The following PLOD2 variants were observed in gnomAD, a reference collection of about 807,000 sequenced individuals.
PLOD2 encodes lysine hydroxylase 2.
Under a neutral mutation model 101.0 loss-of-function variants are expected in PLOD2, and 65 were observed. That is an observed-to-expected ratio of 0.64 (90% CI 0.53 to 0.79). The LOEUF (loss-of-function observed/expected upper bound fraction) is 0.79, where lower values mean the gene tolerates loss of function less well. Ranked by LOEUF, PLOD2 falls within the 30% of genes least tolerant of loss-of-function variation. PLOD2 has a pLI of 0.00. For synonymous variants in PLOD2, 314 were observed against 302.9 expected, an observed-to-expected ratio of 1.04 and a Z score of -0.38; for missense variants, 909 against 914.6, an observed-to-expected ratio of 0.99 and a Z score of 0.08.
At chr3:146,149,493 C>T (rs1158212887) in intron 1 of PLOD2, among the ~76,000 whole-genome samples, 1 of 152,110 alleles carries the variant, frequency 6.6e-6, no homozygotes, top group East Asian at 1.9e-4. Flanking sequence ...ATGGAGCTGA[C>T]AGTACTGGTG....
chr3:146,109,700 A>G (rs1937594486), intron 4 of PLOD2, among the ~76,000 whole-genome samples: 1 of 152,180 alleles, frequency 6.6e-6, no homozygotes, highest in Non-Finnish European at 1.5e-5. Context: ...ATTTTATTTA[A>G]TTTTCTAAAG....
At position 146,076,838 on chromosome 3, in the gene PLOD2, T is replaced by C; in HGVS notation, c.1621A>G (p.Asn541Asp). The change falls in exon 15 of 20, where the codon AAT becomes GAT. Residue 541 changes from asparagine (N) to aspartate (D), a missense_variant. Coordinates refer to ENST00000282903, the MANE Select transcript of PLOD2 (RefSeq NM_182943.3). ...HEFGRLLSTA[N>D]YNTSHYNNDL... ...TTGTTATAATGGGAAGTATTGTAAT[T>C]AGCAGTGGATAATAGCCTTCCAAAT... 6.3e-7 allele frequency: 1 copy of C among 1,592,660 alleles called. No homozygotes were observed. Among genetic ancestry groups the C allele is most frequent in the Non-Finnish European group, 8.6e-7 (1 of 1,161,832 alleles).
intron 8 of PLOD2, 109 bp downstream of exon 8, chr3:146,091,691 T>C (rs1936973324): frequency 1.4e-6 from 1 of 696,900 alleles, no homozygotes; most frequent in East Asian, 2.8e-5. Flanking sequence ...CCATTATCTA[T>C]CATAAAATCA....
At chr3:146,123,181 C>G (rs3804659) in intron 2 of PLOD2, 71,150 of 281,340 alleles carry the variant, frequency 0.25, 9,415 homozygotes, top group Non-Finnish European at 0.27. Context: ...TAATATACTA[C>G]ATACTCAAAT....
Position 146,161,083 on chromosome 3 carries a change from CCG to C in PLOD2, c.-96_-95del. 3.9e-6 allele frequency: 3 copies of C among 767,922 alleles called. No homozygotes were observed. Among genetic ancestry groups the C allele is most frequent in the Non-Finnish European group, 5.7e-6 (3 of 525,282 alleles). The allele number at this position is 767,922 out of a possible 1,614,324, so 47.6% of individuals were successfully genotyped here. ...CGCAGAGACCCGGGTCCGCCCTGAGCCGCCGATTGCGGGCGGGAGCCGGCGGG... is the reference window on the plus strand; with the variant it reads ...CGCAGAGACCCGGGTCCGCCCTGAGCCCGATTGCGGGCGGGAGCCGGCGGG... On this transcript the variant is annotated 5_prime_UTR_variant, in exon 1 of 20. Transcript: ENST00000282903.
chr3:146,096,873 A>ACGGAGGCGGGG (rs1234344071), intron 7 of PLOD2, among the ~76,000 whole-genome samples: 10 of 22,994 alleles, frequency 4.3e-4, no homozygotes, highest in South Asian at 1.7e-3. Context: ...CCCGTCCGGG[A>ACGGAGGCGGGG]GGGAGGTGGG....
intron 3 of PLOD2, among the ~76,000 whole-genome samples, chr3:146,117,497 TA>T (rs1172852130): frequency 3.9e-5 from 6 of 151,976 alleles, no homozygotes; most frequent in African/African-American, 1.5e-4. Flanking sequence ...ATAAGAAGGG[TA>T]AAAAAAATTT....
At chr3:146,107,742 G>A (rs921057615) in intron 4 of PLOD2, among the ~76,000 whole-genome samples, 2 of 138,544 alleles carry the variant, frequency 1.4e-5, no homozygotes, top group Admixed American at 8.2e-5. Context: ...GTTCCCCTCC[G>A]CCTTCCACCT....
At position 146,076,808 on chromosome 3, in the gene PLOD2, G is replaced by A. The variant is rs1007498499; in HGVS notation, c.1651C>T (p.Leu551Phe). Residue 551 changes from leucine to phenylalanine, a missense_variant, in exon 15 of 20, where the codon CTC becomes TTC. Leu to Phe is a conservative substitution (Grantham distance 22, BLOSUM62 0). Coordinates refer to ENST00000282903, the MANE Select transcript of PLOD2 (RefSeq NM_182943.3). ...ACAGGATTTTCAAAAATCTGCCAGA[G>A]GTCATTGTTATAATGGGAAGTATTG... Reference protein sequence around the residue: ...NYNTSHYNNDLWQIFENPVDW... With the variant: ...NYNTSHYNNDFWQIFENPVDW... 6 of 1,565,844 alleles carry A rather than the reference G, an allele frequency of 3.8e-6. No homozygotes were observed. Among genetic ancestry groups the A allele is most frequent in the South Asian group, 1.1e-5 (1 of 89,502 alleles).
intron 10 of PLOD2, 124 bp from the exon 11 acceptor site, chr3:146,085,397 T>C: frequency 1.5e-6 from 1 of 675,374 alleles, no homozygotes; most frequent in Non-Finnish European, 2.7e-6. Flanking sequence ...CTGATCAAAA[T>C]AGTGGAACAA....
chr3:146,143,104 A>G (rs185373066), intron 1 of PLOD2, among the ~76,000 whole-genome samples: 59 of 152,204 alleles, frequency 3.9e-4, no homozygotes, highest in African/African-American at 1.4e-3. Context: ...CCTACTTCCT[A>G]GAGTTAAACA....
chr3:146,111,593 C>G (rs1226100019), intron 3 of PLOD2, among the ~76,000 whole-genome samples: 1 of 152,104 alleles, frequency 6.6e-6, no homozygotes, highest in Non-Finnish European at 1.5e-5. Flanking sequence ...GGAAAACTCA[C>G]TTCAAAGTTT....
At chr3:146,093,702 T>C (rs1189347223) in intron 7 of PLOD2, among the ~76,000 whole-genome samples, 2 of 152,170 alleles carry the variant, frequency 1.3e-5, no homozygotes, top group African/African-American at 4.8e-5. Context: ...ATCTCTATTA[T>C]ATATAAAGAC....
intron 8 of PLOD2, 30 bp downstream of exon 8, chr3:146,091,770 T>C: frequency 2.6e-6 from 3 of 1,167,350 alleles, no homozygotes; most frequent in Non-Finnish European, 3.9e-6. Flanking sequence ...TTTCTATTAC[T>C]ACATTTCACA....
intron 7 of PLOD2, among the ~76,000 whole-genome samples, chr3:146,099,148 AT>A (rs1170259755): frequency 6.6e-6 from 1 of 152,204 alleles, no homozygotes; most frequent in Non-Finnish European, 1.5e-5. Flanking sequence ...ATAGCTTGAA[AT>A]GCCAGAAACA....
At chr3:146,083,121 A>T (rs1283170551) in intron 11 of PLOD2, among the ~76,000 whole-genome samples, 1 of 152,230 alleles carries the variant, frequency 6.6e-6, no homozygotes, top group East Asian at 1.9e-4. Context: ...TGTAATTTAT[A>T]ATCCCAGCTG....
At chr3:146,148,334 G>GCAGGCACACA (rs111340998) in intron 1 of PLOD2, among the ~76,000 whole-genome samples, 2 of 25,504 alleles carry the variant, frequency 7.8e-5, no homozygotes, top group African/African-American at 2.1e-4. Flanking sequence ...AGGCAGGCAG[G>GCAGGCACACA]CACGCACACA....
chr3:146,134,500 A>C lies in PLOD2; in HGVS notation c.110-10271T>G, dbSNP rs537756671. Among the ~76,000 whole-genome samples the C allele has an allele frequency of 1.0e-3, 158 of 152,292 alleles. 2 individuals carry two copies. The highest frequency in any genetic ancestry group is 3.2e-3 in the African/African-American group (131 of 41,558). On this transcript the variant is annotated intron_variant, in intron 1 of 19. Coordinates refer to ENST00000282903, the MANE Select transcript of PLOD2 (RefSeq NM_182943.3). Reference sequence around the variant, plus strand: ...AGCAACCTCCACAAATGAATGAGAAACCTTCTTTGAGTGGGATGGGGTAAC... The same window carrying C: ...AGCAACCTCCACAAATGAATGAGAACCCTTCTTTGAGTGGGATGGGGTAAC...
chr3:146,157,229 T>A (rs2032342727), intron 1 of PLOD2, among the ~76,000 whole-genome samples: 1 of 152,228 alleles, frequency 6.6e-6, no homozygotes, highest in Admixed American at 6.5e-5. Context: ...AACCTGAGAA[T>A]GTCTGTGGCA....
Sources: allele counts gnomAD v4.1 joint callset (sites outside exome capture counted in the v4.1 genomes callset), GRCh38; gene constraint gnomAD v4.1.1; transcripts MANE v1.5; gene names NCBI Gene and HGNC (gene_info 2026-07-23, HGNC 2026-07-21).